MTHFD2L: variants seen among roughly 807,000 people sequenced by gnomAD.
MTHFD2L encodes the protein bifunctional methylenetetrahydrofolate dehydrogenase/cyclohydrolase 2, mitochondrial.
In MTHFD2L, 29 loss-of-function variants were observed where a neutral mutation model predicts 34.9. The ratio of observed to expected loss-of-function variants is 0.83; its 90% CI spans 0.62 to 1.13. The LOEUF is 1.13. Among genes scored for constraint, MTHFD2L ranks in the 50% most tolerant of loss-of-function variants. The pLI is 0.00. For synonymous variants in MTHFD2L, 167 were observed against 155.7 expected (o/e 1.07, Z -0.54); for missense variants, 481 against 446.5 (o/e 1.08, Z -0.70).
At chr4:74,139,789 T>C (rs1250590718) in intron 1 of MTHFD2L, among the ~76,000 whole-genome samples, 2 of 152,202 alleles carry the variant, frequency 1.3e-5, no homozygotes, top group Non-Finnish European at 2.9e-5. Flanking sequence ...AATTTTCCTT[T>C]GGGTCAAAAA....
intron 1 of MTHFD2L, among the ~76,000 whole-genome samples, chr4:74,140,845 G>A (rs1260419721): frequency 6.6e-6 from 1 of 152,178 alleles, no homozygotes; most frequent in Non-Finnish European, 1.5e-5. Context: ...CATGAGAACA[G>A]GATGGGGTAA....
chr4:74,142,843 C>A (rs1450845766), intron 1 of MTHFD2L, among the ~76,000 whole-genome samples: 1 of 152,134 alleles, frequency 6.6e-6, no homozygotes, highest in Non-Finnish European at 1.5e-5. Flanking sequence ...ACAAAAAAAT[C>A]CCCTGAATCT....
In MTHFD2L at chr4:74,158,153, C is replaced by T. The variant is rs1011476881; in HGVS notation, c.15C>T (p.Val5=). 2.0e-6 allele frequency: 3 copies of T among 1,530,646 alleles called. No individual in the cohort carries two copies. Among genetic ancestry groups the T allele is most frequent in the South Asian group, 1.2e-5 (1 of 82,058 alleles). The allele number at this position is 1,530,646 out of a possible 1,614,324, so 94.8% of individuals were successfully genotyped here. A position where few individuals can be genotyped will look rare whatever the true frequency, so the allele number is the denominator to read the frequency against. Residue 5 remains valine (V), a synonymous_variant, in exon 1 of 8, where the codon GTC becomes GTT. Transcript: ENST00000325278. Reference sequence around the variant, plus strand: ...GATCCGCGGCCATGACGGTGCCGGTCCGCGGCTTCTCGCTGCTCCGCGGCC... The same window carrying T: ...GATCCGCGGCCATGACGGTGCCGGTTCGCGGCTTCTCGCTGCTCCGCGGCC... MTVP[V]RGFSLLRGRL...
At chr4:74,234,322 A>G in intron 6 of MTHFD2L, among the ~76,000 whole-genome samples, 1 of 152,062 alleles carries the variant, frequency 6.6e-6, no homozygotes, top group Non-Finnish European at 1.5e-5. Flanking sequence ...CAATACCTAA[A>G]TTTGACAGAT....
At chr4:74,285,074 G>C (rs910315662) in intron 7 of MTHFD2L, among the ~76,000 whole-genome samples, 3 of 151,956 alleles carry the variant, frequency 2.0e-5, no homozygotes, top group African/African-American at 7.3e-5. Flanking sequence ...ATCATTCTCA[G>C]CAAACTATCG....
At chr4:74,198,548 C>T (rs185008587) in intron 3 of MTHFD2L, among the ~76,000 whole-genome samples, 5 of 152,066 alleles carry the variant, frequency 3.3e-5, no homozygotes, top group East Asian at 1.9e-4. Flanking sequence ...ATGAAGCTTC[C>T]GCGTGAGTGG....
intron 5 of MTHFD2L, among the ~76,000 whole-genome samples, chr4:74,205,408 T>G (rs2110067738): frequency 6.6e-6 from 1 of 152,328 alleles, no homozygotes; most frequent in Non-Finnish European, 1.5e-5. Flanking sequence ...TGCCGTGTAT[T>G]TATTTCTTTT....
intron 6 of MTHFD2L, among the ~76,000 whole-genome samples, chr4:74,247,515 T>C (rs1742652163): frequency 6.6e-6 from 1 of 152,130 alleles, no homozygotes; most frequent in African/African-American, 2.4e-5. Context: ...TCCAACACTA[T>C]GTTGTATAGG....
At chr4:74,235,276 C>T (rs1168834174) in intron 6 of MTHFD2L, among the ~76,000 whole-genome samples, 1 of 152,090 alleles carries the variant, frequency 6.6e-6, no homozygotes, top group Non-Finnish European at 1.5e-5. Flanking sequence ...TGTAGTTCTA[C>T]ACTAATACAG....
chr4:74,268,496 T>C (rs911043232), intron 6 of MTHFD2L, among the ~76,000 whole-genome samples: 1 of 152,074 alleles, frequency 6.6e-6, no homozygotes, highest in African/African-American at 2.4e-5. Flanking sequence ...CCTCAAAATC[T>C]TTCTTCTGTG....
chr4:74,206,543 G>T (rs1241767268), intron 5 of MTHFD2L, among the ~76,000 whole-genome samples: 1 of 152,062 alleles, frequency 6.6e-6, no homozygotes, highest in Admixed American at 6.6e-5. Context: ...CTTTTTTAAG[G>T]CTAAGGAAAG....
intron 6 of MTHFD2L, among the ~76,000 whole-genome samples, chr4:74,280,789 A>G (rs1177105281): frequency 6.6e-6 from 1 of 152,060 alleles, no homozygotes; most frequent in Non-Finnish European, 1.5e-5. Flanking sequence ...TATACATGAC[A>G]CCTTTCAGAA....
chr4:74,181,778 T>C (rs1730223859), intron 3 of MTHFD2L: 1 of 152,134 alleles, frequency 6.6e-6, no homozygotes, highest in African/African-American at 2.4e-5. Flanking sequence ...GATTAAAGGA[T>C]AAAACTAAAG....
At chr4:74,136,618 T>G (rs907294372) in intron 1 of MTHFD2L, among the ~76,000 whole-genome samples, 5 of 152,000 alleles carry the variant, frequency 3.3e-5, no homozygotes, top group African/African-American at 1.2e-4. Context: ...CAGAAATGTT[T>G]TAAAAATCTG....
chr4:74,294,441 G>T (rs1749379302), intron 7 of MTHFD2L, among the ~76,000 whole-genome samples: 1 of 152,092 alleles, frequency 6.6e-6, no homozygotes, highest in Admixed American at 6.6e-5. Context: ...AGCAATGACA[G>T]AACACACCAG....
chr4:74,241,043 G>A (rs1270334894), intron 6 of MTHFD2L, among the ~76,000 whole-genome samples: 5 of 152,080 alleles, frequency 3.3e-5, no homozygotes, highest in African/African-American at 4.8e-5. Flanking sequence ...GGATAATTTC[G>A]GCTTTCAAAT....
chr4:74,256,860 T>C (rs894749501), intron 6 of MTHFD2L, among the ~76,000 whole-genome samples: 5 of 152,144 alleles, frequency 3.3e-5, no homozygotes, highest in Non-Finnish European at 5.9e-5. Flanking sequence ...TAGGTTGAAG[T>C]TGGGTAATGT....
chr4:74,125,629 T>G (rs1281067347), intron 1 of MTHFD2L: 1 of 152,162 alleles, frequency 6.6e-6, no homozygotes, highest in Non-Finnish European at 1.5e-5. Flanking sequence ...GAATCTCACT[T>G]TTATTTATTT....
At chr4:74,268,068 A>C (rs1209090104) in intron 6 of MTHFD2L, 1 of 985,122 alleles carries the variant, frequency 1.0e-6, no homozygotes, top group Non-Finnish European at 1.2e-6. Context: ...AGCCAGAGAA[A>C]AGAAAAAGAA....
Sources: allele counts gnomAD v4.1 joint callset (sites outside exome capture counted in the v4.1 genomes callset), GRCh38; gene constraint gnomAD v4.1.1; transcripts MANE v1.5; gene names NCBI Gene and HGNC (gene_info 2026-07-23, HGNC 2026-07-21).